PSIP1: variants seen among roughly 807,000 people sequenced by gnomAD.
PSIP1 encodes PC4 and SFRS1-interacting protein.
Under a neutral mutation model 74.7 loss-of-function variants are expected in PSIP1, and 19 were observed. The ratio of observed to expected loss-of-function variants is 0.25; its 90% CI spans 0.18 to 0.37. The LOEUF (loss-of-function observed/expected upper bound fraction) is 0.37, where lower values mean the gene tolerates loss of function less well. Among genes scored for constraint, PSIP1 ranks in the 10% least tolerant of loss-of-function variants. PSIP1 has a pLI of 1.00. For missense variants in PSIP1, 601 were observed against 614.3 expected (o/e 0.98, Z 0.23); for synonymous variants, 222 against 195.3 (o/e 1.14, Z -1.14).
intron 11 of PSIP1, among the ~76,000 whole-genome samples, chr9:15,469,545 A>T (rs544704825): frequency 2.6e-5 from 4 of 152,132 alleles, no homozygotes; most frequent in Admixed American, 2.6e-4. Flanking sequence ...ATGCAGTGTA[A>T]AAGCACAAAA....
At chr9:15,492,408 C>G (rs1302352545) in intron 3 of PSIP1, among the ~76,000 whole-genome samples, 1 of 152,236 alleles carries the variant, frequency 6.6e-6, no homozygotes, top group Non-Finnish European at 1.5e-5. Flanking sequence ...CTGCATGTCT[C>G]AAATTCAGAT....
At chr9:15,496,808 T>G (rs1006866200) in intron 3 of PSIP1, among the ~76,000 whole-genome samples, 1 of 149,060 alleles carries the variant, frequency 6.7e-6, no homozygotes, top group Admixed American at 6.6e-5. Context: ...ATTCGCACAC[T>G]TTTTTTTAGT....
At chr9:15,482,087 A>C (rs1175430679) in intron 6 of PSIP1, among the ~76,000 whole-genome samples, 5 of 151,988 alleles carry the variant, frequency 3.3e-5, no homozygotes, top group African/African-American at 1.2e-4. Context: ...ACCCCTTTCT[A>C]GCTCTACCAG....
intron 3 of PSIP1, among the ~76,000 whole-genome samples, chr9:15,499,324 T>G (rs1006471243): frequency 1.3e-5 from 2 of 152,228 alleles, no homozygotes; most frequent in Non-Finnish European, 1.5e-5. Flanking sequence ...TGTAAAACAT[T>G]CTAAGAAAAC....
At chr9:15,502,705 G>T (rs1193231547) in intron 3 of PSIP1, among the ~76,000 whole-genome samples, 1 of 152,182 alleles carries the variant, frequency 6.6e-6, no homozygotes, top group African/African-American at 2.4e-5. Context: ...GAAAGGAAGG[G>T]GAAAGACTAT....
At chr9:15,498,320 G>A (rs1457859777) in intron 3 of PSIP1, among the ~76,000 whole-genome samples, 1 of 152,174 alleles carries the variant, frequency 6.6e-6, no homozygotes, top group Non-Finnish European at 1.5e-5. Context: ...GAAGCCTGAA[G>A]CAGGAGAATC....
At chr9:15,493,313 GCTC>G (rs765306734) in intron 3 of PSIP1, among the ~76,000 whole-genome samples, 63 of 152,122 alleles carry the variant, frequency 4.1e-4, no homozygotes, top group Non-Finnish European at 6.8e-4. Context: ...TTCCCAACAC[GCTC>G]CTCATCTCCA....
chr9:15,473,258 C>A (rs1316344450), intron 9 of PSIP1, among the ~76,000 whole-genome samples: 1 of 152,066 alleles, frequency 6.6e-6, no homozygotes, highest in Non-Finnish European at 1.5e-5. Flanking sequence ...ATTTACATAC[C>A]ACTGATAAAA....
chr9:15,502,893 C>G (rs553013454), intron 3 of PSIP1, among the ~76,000 whole-genome samples: 1 of 152,204 alleles, frequency 6.6e-6, no homozygotes, highest in South Asian at 2.1e-4. Flanking sequence ...CTATGAATGT[C>G]CTAAGTAAAA....
At chr9:15,465,936 AAGAG>A (rs759291772) in intron 15 of PSIP1, 11 of 191,656 alleles carry the variant, frequency 5.7e-5, no homozygotes, top group Non-Finnish European at 1.2e-4. Context: ...TCTTAATAAA[AAGAG>A]AGGTTGATAC....
chr9:15,467,971 TTAGC>T (rs2035701438), intron 14 of PSIP1, among the ~76,000 whole-genome samples: 1 of 151,968 alleles, frequency 6.6e-6, no homozygotes, highest in African/African-American at 2.4e-5. Context: ...AAATACAAAA[TTAGC>T]TAGGTGTGGT....
At chr9:15,467,588 G>A in intron 14 of PSIP1, among the ~76,000 whole-genome samples, 1 of 152,334 alleles carries the variant, frequency 6.6e-6, no homozygotes, top group South Asian at 2.1e-4. Context: ...GGGGCATAGA[G>A]AAAGCTTATG....
At chr9:15,483,429 C>T (rs1352516282) in intron 6 of PSIP1, among the ~76,000 whole-genome samples, 1 of 151,754 alleles carries the variant, frequency 6.6e-6, no homozygotes, top group Non-Finnish European at 1.5e-5. Context: ...CATCTCTCGT[C>T]TACACCACTT....
At chr9:15,481,412 G>T (rs2036329763) in intron 6 of PSIP1, among the ~76,000 whole-genome samples, 1 of 152,244 alleles carries the variant, frequency 6.6e-6, no homozygotes, top group Non-Finnish European at 1.5e-5. Context: ...TATAGGTAGG[G>T]TTGGGTGCAG....
chr9:15,480,302 A>G (rs2036279161), intron 6 of PSIP1, among the ~76,000 whole-genome samples: 1 of 152,236 alleles, frequency 6.6e-6, no homozygotes, highest in African/African-American at 2.4e-5. Context: ...ACTGATCATA[A>G]CTGCAAAAGG....
intron 11 of PSIP1, among the ~76,000 whole-genome samples, chr9:15,469,657 G>T (rs1471081219): frequency 6.6e-6 from 1 of 152,020 alleles, no homozygotes; most frequent in African/African-American, 2.4e-5. Flanking sequence ...TTTAACCAAG[G>T]GATTTGTCTG....
At chr9:15,468,587 G>C (rs754204193) in intron 14 of PSIP1, 43 bp downstream of exon 14, 1 of 1,576,892 alleles carries the variant, frequency 6.3e-7, no homozygotes, top group Non-Finnish European at 8.7e-7. Context: ...CCTGGCAAAT[G>C]GTTTAAAAAC....
intron 3 of PSIP1, among the ~76,000 whole-genome samples, chr9:15,491,785 C>A (rs750187150): frequency 6.6e-5 from 10 of 152,192 alleles, no homozygotes; most frequent in African/African-American, 1.2e-4. Context: ...TTAATTGACT[C>A]ACAGTTCCAC....
chr9:15,466,707 T>C (rs745326700), intron 15 of PSIP1, 41 bp downstream of exon 15: 9 of 1,478,296 alleles, frequency 6.1e-6, no homozygotes, highest in Non-Finnish European at 8.3e-6. Flanking sequence ...AAAACCTGAA[T>C]AATAAAAAAC....
Sources: gnomAD v4.1 joint callset for allele counts (sites outside exome capture counted in the v4.1 genomes callset) on GRCh38, gnomAD v4.1.1 for gene constraint, MANE v1.5 for transcripts, NCBI Gene and HGNC (gene_info 2026-07-23, HGNC 2026-07-21) for gene names.